DSCAM: variants seen among roughly 807,000 people sequenced by gnomAD.
DSCAM encodes DS cell adhesion molecule, also known as cell adhesion molecule DSCAM.
DSCAM carries 47 observed loss-of-function variants against 217.7 expected under a neutral mutation model. The ratio of observed to expected loss-of-function variants is 0.22; its 90% CI spans 0.17 to 0.28. The LOEUF is 0.28. Among genes scored for constraint, DSCAM ranks in the 10% least tolerant of loss-of-function variants. The pLI is 1.00. For synonymous variants in DSCAM, 1,056 were observed against 1,015.3 expected (o/e 1.04, Z -0.76); for missense variants, 2,080 against 2,618.3 (o/e 0.79, Z 4.49).
chr21:40,356,765 CAA>C (rs1253935587), intron 4 of DSCAM, among the ~76,000 whole-genome samples: 1 of 152,138 alleles, frequency 6.6e-6, no homozygotes, highest in African/African-American at 2.4e-5. Context: ...GACTTATATA[CAA>C]GAGAGTAAAT....
At chr21:40,417,001 T>G (rs1023617326) in intron 3 of DSCAM, among the ~76,000 whole-genome samples, 3 of 152,114 alleles carry the variant, frequency 2.0e-5, no homozygotes, top group Non-Finnish European at 2.9e-5. Flanking sequence ...TCCTTCAAAT[T>G]TTGTCATCTG....
intron 18 of DSCAM, among the ~76,000 whole-genome samples, chr21:40,134,579 C>A (rs2090187997): frequency 6.6e-6 from 1 of 152,172 alleles, no homozygotes; most frequent in South Asian, 2.1e-4. Context: ...ACTATAGTCA[C>A]CACTTTGTAC....
intron 11 of DSCAM, among the ~76,000 whole-genome samples, chr21:40,200,447 C>T (rs559804429): frequency 2.6e-5 from 4 of 152,208 alleles, no homozygotes; most frequent in Non-Finnish European, 2.9e-5. Flanking sequence ...ATAATCTCCT[C>T]AAGGTTCAGT....
intron 1 of DSCAM, among the ~76,000 whole-genome samples, chr21:40,819,098 C>T (rs1027332689): frequency 1.3e-5 from 2 of 152,144 alleles, no homozygotes; most frequent in African/African-American, 4.8e-5. Flanking sequence ...CACTGGGGCC[C>T]AGGGCTATTT....
intron 3 of DSCAM, among the ~76,000 whole-genome samples, chr21:40,534,603 C>T (rs1343808868): frequency 6.6e-6 from 1 of 152,114 alleles, no homozygotes; most frequent in Non-Finnish European, 1.5e-5. Context: ...CATTTATCAC[C>T]AAGTGTTCAT....
At chr21:40,692,236 T>G (rs1017723184) in intron 3 of DSCAM, among the ~76,000 whole-genome samples, 1 of 152,222 alleles carries the variant, frequency 6.6e-6, no homozygotes, top group Non-Finnish European at 1.5e-5. Context: ...AATGAAGAAC[T>G]GCAGTTTCTT....
At chr21:40,049,585 G>GTCTT (rs138000808) in intron 30 of DSCAM, among the ~76,000 whole-genome samples, 2,724 of 152,294 alleles carry the variant, frequency 0.018, 94 homozygotes, top group African/African-American at 0.063. Flanking sequence ...TGAAATGAAT[G>GTCTT]TCTTTTTGCA....
intron 1 of DSCAM, among the ~76,000 whole-genome samples, chr21:40,837,249 C>T (rs1046686633): frequency 6.6e-6 from 1 of 152,162 alleles, no homozygotes. Context: ...CAGAAGCCTA[C>T]AGCATATTCT....
intron 3 of DSCAM, among the ~76,000 whole-genome samples, chr21:40,659,085 G>A (rs958991832): frequency 2.0e-5 from 3 of 151,996 alleles, no homozygotes; most frequent in Non-Finnish European, 4.4e-5. Context: ...ACATACAGAC[G>A]GACAACCATC....
intron 20 of DSCAM, among the ~76,000 whole-genome samples, chr21:40,109,495 G>A (rs544123546): frequency 7.2e-5 from 11 of 152,312 alleles, no homozygotes; most frequent in African/African-American, 1.4e-4. Context: ...TGTGAGCGAC[G>A]CAGAAGATGG....
chr21:40,428,405 G>A (rs994819036), intron 3 of DSCAM, among the ~76,000 whole-genome samples: 1 of 151,818 alleles, frequency 6.6e-6, no homozygotes, highest in Admixed American at 6.6e-5. Flanking sequence ...AGAGTAACTG[G>A]GATTACAGGC....
intron 11 of DSCAM, among the ~76,000 whole-genome samples, chr21:40,222,281 T>C (rs1274176327): frequency 6.6e-6 from 1 of 152,238 alleles, no homozygotes; most frequent in Non-Finnish European, 1.5e-5. Flanking sequence ...ATTTGGAACG[T>C]CTACATTACT....
At chr21:40,072,163 G>A (rs1168624889) in intron 27 of DSCAM, among the ~76,000 whole-genome samples, 1 of 152,098 alleles carries the variant, frequency 6.6e-6, no homozygotes, top group African/African-American at 2.4e-5. Context: ...TGATCAAATA[G>A]AAATGGTCAA....
chr21:40,469,005 C>T (rs1311582461), intron 3 of DSCAM, among the ~76,000 whole-genome samples: 2 of 151,980 alleles, frequency 1.3e-5, no homozygotes, highest in South Asian at 2.1e-4. Context: ...CCACTCAGTG[C>T]CCAGCACACT....
At chr21:40,159,399 C>A (rs2090515059) in intron 16 of DSCAM, among the ~76,000 whole-genome samples, 1 of 152,138 alleles carries the variant, frequency 6.6e-6, no homozygotes, top group Non-Finnish European at 1.5e-5. Context: ...TCCACCTATG[C>A]ACTCCCTGTA....
chr21:40,583,630 T>C lies in DSCAM; in HGVS notation c.508+109180A>G, dbSNP rs372950437. ...TTTTTAAAAAATGCCAGTTTCCTTT[T>C]GGCTGGAAAACTGGTTCAGAAGGAA... On this transcript the variant is annotated intron_variant, in intron 3 of 32. Coordinates refer to ENST00000400454, the MANE Select transcript of DSCAM (RefSeq NM_001389.5). Among the ~76,000 whole-genome samples, 3 of 152,144 alleles carry C rather than the reference T, an allele frequency of 2.0e-5. No individual in the cohort carries two copies. In the East Asian group the frequency reaches 5.8e-4, roughly 29 times the overall value.
chr21:40,405,409 C>A (rs569813774), intron 3 of DSCAM, among the ~76,000 whole-genome samples: 1 of 152,184 alleles, frequency 6.6e-6, no homozygotes, highest in East Asian at 1.9e-4. Flanking sequence ...TAAAAGTGGT[C>A]CCCAGTAGAA....
chr21:40,829,609 C>T (rs1220049071), intron 1 of DSCAM, among the ~76,000 whole-genome samples: 2 of 152,054 alleles, frequency 1.3e-5, no homozygotes, highest in Non-Finnish European at 2.9e-5. Flanking sequence ...AGCAAGTTGG[C>T]GTTGGAGTCA....
At chr21:40,564,753 T>C (rs1374218276) in intron 3 of DSCAM, among the ~76,000 whole-genome samples, 1 of 152,168 alleles carries the variant, frequency 6.6e-6, no homozygotes, top group African/African-American at 2.4e-5. Flanking sequence ...AGAAATAAAA[T>C]TTCCTAAAAT....
Sources: allele counts gnomAD v4.1 joint callset (sites outside exome capture counted in the v4.1 genomes callset), GRCh38; gene constraint gnomAD v4.1.1; transcripts MANE v1.5; gene names NCBI Gene and HGNC (gene_info 2026-07-23, HGNC 2026-07-21).